The following RIN2 variants were observed in gnomAD, a reference collection of about 807,000 sequenced individuals.
RIN2 encodes the protein RAB5 interacting protein 2.
RIN2 carries 36 observed loss-of-function variants against 78.0 expected under a neutral mutation model. The observed-to-expected ratio is 0.46, with a 90% CI of 0.35 to 0.61. The LOEUF (loss-of-function observed/expected upper bound fraction) is 0.61. RIN2 is among the 20% of genes least tolerant of loss of function. The pLI is 0.00. For missense variants in RIN2, 1,087 were observed against 1,159.7 expected (o/e 0.94, Z 0.91); for synonymous variants, 466 against 466.8 (o/e 1.00, Z 0.02).
intron 1 of RIN2, among the ~76,000 whole-genome samples, chr20:19,763,241 A>G (rs2033720419): frequency 6.6e-6 from 1 of 152,080 alleles, no homozygotes; most frequent in South Asian, 2.1e-4. Context: ...CAAAAAAATT[A>G]GCTGGGCCTG....
chr20:19,865,980 A>G (rs1372193779), intron 2 of RIN2, among the ~76,000 whole-genome samples: 1 of 152,098 alleles, frequency 6.6e-6, no homozygotes, highest in Non-Finnish European at 1.5e-5. Flanking sequence ...GGGATGATTC[A>G]AGCACATTAC....
intron 2 of RIN2, among the ~76,000 whole-genome samples, chr20:19,865,823 AT>A (rs1446464847): frequency 6.6e-6 from 1 of 152,098 alleles, no homozygotes; most frequent in East Asian, 1.9e-4. Flanking sequence ...TATAATAAAA[AT>A]ATACACATAC....
intron 8 of RIN2, among the ~76,000 whole-genome samples, chr20:19,972,430 G>A (rs1014487699): frequency 2.8e-4 from 43 of 152,178 alleles, no homozygotes; most frequent in Non-Finnish European, 1.6e-4. Flanking sequence ...GGTGAAAAGA[G>A]TTTGCTCCAG....
chr20:19,846,150 G>A (rs756913617), intron 2 of RIN2, among the ~76,000 whole-genome samples: 2 of 152,178 alleles, frequency 1.3e-5, no homozygotes, highest in Non-Finnish European at 2.9e-5. Context: ...ATAGTTTGAA[G>A]TCAGGTAGTG....
chr20:19,982,291 T>G (rs1601036703), intron 9 of RIN2, among the ~76,000 whole-genome samples: 1 of 152,068 alleles, frequency 6.6e-6, no homozygotes, highest in Non-Finnish European at 1.5e-5. Context: ...CTGGGAAAGG[T>G]CATCTTCTTT....
At chr20:19,954,579 C>T (rs1301103911) in intron 4 of RIN2, among the ~76,000 whole-genome samples, 2 of 152,178 alleles carry the variant, frequency 1.3e-5, no homozygotes, top group African/African-American at 4.8e-5. Context: ...GACTCCTGGT[C>T]CTCTCTGTAA....
rs1303526553 is a variant in RIN2 at position 19,992,157 on chromosome 20, C to T, written c.2069-11C>T. On this transcript the variant is annotated splice_polypyrimidine_tract_variant and intron_variant, in intron 10 of 12. Transcript: ENST00000255006. ...TAAAAATATTCCATCTCCTTCTCTT[C>T]CTGCTCTCAGGGAGGATGTATGGCG... The T allele has an allele frequency of 1.2e-6, 2 of 1,610,292 alleles. No individual in the cohort carries two copies. The highest frequency in any genetic ancestry group is 1.6e-4 in the Middle Eastern group (1 of 6,080).
At chr20:19,936,091 AC>A (rs1428811040) in intron 4 of RIN2, among the ~76,000 whole-genome samples, 1 of 152,210 alleles carries the variant, frequency 6.6e-6, no homozygotes, top group African/African-American at 2.4e-5. Flanking sequence ...GTTCCGCCAT[AC>A]GCTGACGGGA....
At chr20:19,911,057 T>A (rs1387802666) in intron 3 of RIN2, among the ~76,000 whole-genome samples, 2 of 81,308 alleles carry the variant, frequency 2.5e-5, no homozygotes, top group Admixed American at 1.4e-4. Flanking sequence ...AATATGTAAA[T>A]TTTTTTTTTT....
intron 2 of RIN2, among the ~76,000 whole-genome samples, chr20:19,800,803 A>G: frequency 6.6e-6 from 1 of 152,172 alleles, no homozygotes; most frequent in East Asian, 1.9e-4. Flanking sequence ...AACCCACAGC[A>G]ACACTGTTTG....
intron 3 of RIN2, among the ~76,000 whole-genome samples, chr20:19,929,952 G>C (rs1488182661): frequency 6.6e-6 from 1 of 152,108 alleles, no homozygotes; most frequent in Non-Finnish European, 1.5e-5. Flanking sequence ...AGGGCCCAGT[G>C]GGTATATACA....
chr20:19,789,870 G>A (rs1348647492), intron 1 of RIN2, among the ~76,000 whole-genome samples: 2 of 152,226 alleles, frequency 1.3e-5, no homozygotes, highest in East Asian at 3.9e-4. Context: ...TCTCTCCTTT[G>A]GTTCTCCTCT....
intron 1 of RIN2, among the ~76,000 whole-genome samples, chr20:19,777,122 T>C (rs1211163859): frequency 2.0e-5 from 3 of 152,196 alleles, no homozygotes; most frequent in Non-Finnish European, 2.9e-5. Flanking sequence ...TCCTGGCTTC[T>C]CCCTCCATCC....
In RIN2 at chr20:20,000,849, C is replaced by T. The variant is rs759857912; in HGVS notation, c.2601C>T (p.His867=). Residue 867 remains histidine (H), a synonymous_variant, in exon 13 of 13, where the codon CAC becomes CAT. Transcript: ENST00000255006. The part of the protein sequence containing the change: ...KAELHSRPQP[H]IFHFVYKRIK... The stretch of plus-strand genomic sequence containing the variant: ...AGCTGCACAGCCGACCACAGCCCCA[C>T]ATCTTCCACTTTGTCTACAAACGCA... 1.2e-6 allele frequency: 2 copies of T among 1,614,020 alleles called. No individual in the cohort carries two copies. Among genetic ancestry groups the T allele is most frequent in the South Asian group, 1.1e-5 (1 of 91,078 alleles).
chr20:19,905,111 T>C (rs1349679743), intron 3 of RIN2, among the ~76,000 whole-genome samples: 1 of 152,176 alleles, frequency 6.6e-6, no homozygotes, highest in African/African-American at 2.4e-5. Context: ...GTCTTTATTG[T>C]ACAGGTCCCC....
At chr20:19,824,628 TC>T (rs1341125592) in intron 2 of RIN2, among the ~76,000 whole-genome samples, 2 of 152,070 alleles carry the variant, frequency 1.3e-5, no homozygotes, top group Non-Finnish European at 2.9e-5. Flanking sequence ...GAGACCTGGA[TC>T]CTCCCTGTGT....
intron 1 of RIN2, among the ~76,000 whole-genome samples, chr20:19,797,321 G>A (rs6046330): frequency 4.6e-5 from 7 of 152,060 alleles, no homozygotes; most frequent in Non-Finnish European, 1.0e-4. Flanking sequence ...CTTAGTTTCA[G>A]GAAAACATTA....
chr20:19,961,812 A>C (rs2041760863), intron 6 of RIN2, among the ~76,000 whole-genome samples: 1 of 151,998 alleles, frequency 6.6e-6, no homozygotes, highest in Admixed American at 6.6e-5. Context: ...CCAGGGAAAA[A>C]CTTCCCCCTG....
intron 1 of RIN2, among the ~76,000 whole-genome samples, chr20:19,770,571 G>A (rs192743402): frequency 7.6e-4 from 116 of 152,184 alleles, no homozygotes; most frequent in African/African-American, 2.4e-3. Flanking sequence ...TTTTCCCTGC[G>A]GAGCTGCTTC....
Sources: gnomAD v4.1 joint callset for allele counts (sites outside exome capture counted in the v4.1 genomes callset) on GRCh38, gnomAD v4.1.1 for gene constraint, MANE v1.5 for transcripts, NCBI Gene and HGNC (gene_info 2026-07-23, HGNC 2026-07-21) for gene names.